The following TGFBR2 variants were observed in gnomAD, a reference collection of about 807,000 sequenced individuals.
TGFBR2 encodes transforming growth factor beta receptor 2, also known as TGF-beta receptor type-2.
A neutral mutation model predicts 49.0 loss-of-function variants in TGFBR2; 18 were observed. That is an observed-to-expected ratio of 0.37 (90% CI 0.25 to 0.54). The LOEUF is 0.54. TGFBR2 is among the 20% of genes least tolerant of loss of function. The probability of loss-of-function intolerance (pLI) is 0.85; values close to 1 mark genes in which losing one functional copy is unlikely to be tolerated. For synonymous variants in TGFBR2, 282 were observed against 275.9 expected (o/e 1.02, Z -0.22); for missense variants, 525 against 722.6 (o/e 0.73, Z 3.13).
Position 30,691,695 on chromosome 3 carries a change from G to T in TGFBR2, c.*96G>T. 1 of 1,440,232 alleles carries T rather than the reference G, an allele frequency of 6.9e-7. No homozygotes were observed. 89.2% of individuals were successfully genotyped at this position (1,440,232 alleles called of 1,614,324 possible). Reference sequence around the variant, plus strand: ...GCTGCCCCTGAACTGATGCTTCCTGGAAAACCAAGGGGGTCACTCCCCTCC... The same window carrying T: ...GCTGCCCCTGAACTGATGCTTCCTGTAAAACCAAGGGGGTCACTCCCCTCC... On this transcript the variant is annotated 3_prime_UTR_variant, in exon 7 of 7. Transcript: ENST00000295754.
At chr3:30,633,659 C>T (rs11466491) in intron 1 of TGFBR2, among the ~76,000 whole-genome samples, 33,299 of 152,088 alleles carry the variant, frequency 0.22, 3,852 homozygotes, top group Middle Eastern at 0.28. Context: ...TCTCAGCTCA[C>T]AGTCAGCTGA....
At chr3:30,628,493 C>CA (rs5847642) in intron 1 of TGFBR2, among the ~76,000 whole-genome samples, 1,977 of 103,188 alleles carry the variant, frequency 0.019, 42 homozygotes, top group Admixed American at 0.063. Flanking sequence ...TTAAATCCTC[C>CA]AAAAAAAAAA....
At chr3:30,610,259 G>A (rs2125442477) in intron 1 of TGFBR2, among the ~76,000 whole-genome samples, 1 of 152,148 alleles carries the variant, frequency 6.6e-6, no homozygotes, top group Non-Finnish European at 1.5e-5. Flanking sequence ...TGTTTTAACT[G>A]TTTATATTTG....
intron 1 of TGFBR2, among the ~76,000 whole-genome samples, chr3:30,640,433 GAGGAGACCAAA>G (rs2125400920): frequency 6.6e-6 from 1 of 152,228 alleles, no homozygotes; most frequent in South Asian, 2.1e-4. Context: ...AAGACTCCTC[GAGGAGACCAAA>G]ATCTACAGAT....
At position 30,636,860 on chromosome 3, in the gene TGFBR2, C is replaced by G. The variant is rs144054585; in HGVS notation, c.95-7887C>G. Among the ~76,000 whole-genome samples the G allele has an allele frequency of 1.3e-3, 204 of 151,768 alleles. 3 individuals are homozygous for G. In the East Asian group the frequency reaches 0.026, roughly 19 times the overall value. On this transcript the variant is annotated intron_variant, in intron 1 of 6. Transcript: ENST00000295754. ...TGGGCAGATCACGAGGTCAGGAGAT[C>G]GAGACCATCCTGGCTAACACGGTGA...
intron 1 of TGFBR2, among the ~76,000 whole-genome samples, chr3:30,609,196 CATTT>C (rs1244110854): frequency 2.0e-5 from 3 of 152,082 alleles, no homozygotes; most frequent in South Asian, 2.1e-4. Flanking sequence ...AATTTGTATT[CATTT>C]GATTCAAATT....
At chr3:30,683,306 C>T (rs1575163088) in intron 5 of TGFBR2, among the ~76,000 whole-genome samples, 1 of 152,316 alleles carries the variant, frequency 6.6e-6, no homozygotes, top group African/African-American at 2.4e-5. Flanking sequence ...CTCTCTGTTA[C>T]AGATTTGCAA....
At chr3:30,643,743 G>A (rs1405632982) in intron 1 of TGFBR2, among the ~76,000 whole-genome samples, 1 of 152,200 alleles carries the variant, frequency 6.6e-6, no homozygotes, top group Non-Finnish European at 1.5e-5. Flanking sequence ...GGTGGAGAAA[G>A]TTTCATGGAG....
chr3:30,657,188 TTCCACATTCCCG>T (rs1699018540), intron 3 of TGFBR2, among the ~76,000 whole-genome samples: 1 of 152,198 alleles, frequency 6.6e-6, no homozygotes, highest in Non-Finnish European at 1.5e-5. Context: ...ACCCTTACCC[TTCCACATTCCCG>T]TGGTGGTGGT....
intron 1 of TGFBR2, among the ~76,000 whole-genome samples, chr3:30,627,188 C>T (rs1698347841): frequency 1.3e-5 from 2 of 152,076 alleles, no homozygotes. Context: ...ACACAGTAGC[C>T]TAGAGACACC....
chr3:30,669,914 G>A (rs1699309918), intron 3 of TGFBR2, among the ~76,000 whole-genome samples: 1 of 152,064 alleles, frequency 6.6e-6, no homozygotes, highest in East Asian at 1.9e-4. Flanking sequence ...TATCATTTAG[G>A]TAATGGGTTC....
At chr3:30,683,203 T>C (rs1699566184) in intron 5 of TGFBR2, among the ~76,000 whole-genome samples, 1 of 152,222 alleles carries the variant, frequency 6.6e-6, no homozygotes. Flanking sequence ...TTGTGCTCTT[T>C]TTTCCTGTGT....
At position 30,668,043 on chromosome 3, in the gene TGFBR2, C is replaced by G. The variant is rs532833293; in HGVS notation, c.455-3595C>G. Reference sequence around the variant, plus strand: ...TAGTTTTATTGTTTTTTAAACAACTCTTTAAAAATGGGGATGGAAATCATT... The same window carrying G: ...TAGTTTTATTGTTTTTTAAACAACTGTTTAAAAATGGGGATGGAAATCATT... On this transcript the variant is annotated intron_variant, in intron 3 of 6. Coordinates refer to ENST00000295754, the MANE Select transcript of TGFBR2 (RefSeq NM_003242.6). 2.1e-4 allele frequency among the ~76,000 whole-genome samples: 32 copies of G among 152,172 alleles called. 1 individual carries two copies. The South Asian group carries it at 6.2e-3, about 30-fold the overall frequency.
intron 5 of TGFBR2, among the ~76,000 whole-genome samples, chr3:30,685,330 G>T (rs1339692945): frequency 1.3e-5 from 2 of 152,172 alleles, no homozygotes; most frequent in Admixed American, 6.5e-5. Flanking sequence ...CTTCCCCAGG[G>T]TAGCTTTGCA....
chr3:30,691,925 A>ATC lies in TGFBR2; in HGVS notation c.*327_*328insCT, dbSNP rs1017659107. The ATC allele has an allele frequency of 4.9e-5, 11 of 226,710 alleles. No individual in the cohort carries two copies. The highest frequency in any genetic ancestry group is 2.0e-4 in the African/African-American group (9 of 43,956). 14.0% of individuals were successfully genotyped at this position (226,710 alleles called of 1,614,324 possible). A position where few individuals can be genotyped will look rare whatever the true frequency, so the allele number is the denominator to read the frequency against. Reference sequence around the variant, plus strand: ...AGCTATGTTTTATATATATATATATATATCTATATATGTCTATAGCTCTAT... The same window carrying ATC: ...AGCTATGTTTTATATATATATATATATCTATCTATATATGTCTATAGCTCTAT... On this transcript the variant is annotated 3_prime_UTR_variant, in exon 7 of 7. Transcript: ENST00000295754.
At chr3:30,621,150 C>A (rs1698223326) in intron 1 of TGFBR2, among the ~76,000 whole-genome samples, 1 of 152,180 alleles carries the variant, frequency 6.6e-6, no homozygotes, top group Non-Finnish European at 1.5e-5. Context: ...AGATCATCAC[C>A]CATGTAGCCA....
intron 3 of TGFBR2, among the ~76,000 whole-genome samples, chr3:30,654,387 C>T (rs957190001): frequency 5.3e-5 from 8 of 152,108 alleles, no homozygotes; most frequent in Non-Finnish European, 8.8e-5. Flanking sequence ...TACCCTTAAC[C>T]CTGGAATCCC....
chr3:30,611,667 T>TTTA (rs1698032099), intron 1 of TGFBR2, among the ~76,000 whole-genome samples: 2 of 152,130 alleles, frequency 1.3e-5, no homozygotes, highest in East Asian at 3.9e-4. Context: ...TTTTTAAGTT[T>TTTA]CTTTTTTCAT....
At chr3:30,671,025 AC>A (rs1293676701) in intron 3 of TGFBR2, among the ~76,000 whole-genome samples, 1 of 152,246 alleles carries the variant, frequency 6.6e-6, no homozygotes, top group Non-Finnish European at 1.5e-5. Context: ...AAACTGTGGC[AC>A]GCTCTGTGTT....
Sources: gnomAD v4.1 joint callset for allele counts (sites outside exome capture counted in the v4.1 genomes callset) on GRCh38, gnomAD v4.1.1 for gene constraint, MANE v1.5 for transcripts, NCBI Gene and HGNC (gene_info 2026-07-23, HGNC 2026-07-21) for gene names.